The following PON2 variants were observed in gnomAD, a reference collection of about 807,000 sequenced individuals.
The protein encoded by PON2 is paraoxonase 2.
In PON2, 27 loss-of-function variants were observed where a neutral mutation model predicts 36.6. That is an observed-to-expected ratio of 0.74 (90% CI 0.54 to 1.02). The LOEUF (loss-of-function observed/expected upper bound fraction) is 1.02. PON2 is among the 50% of genes least tolerant of loss of function. PON2 has a pLI of 0.00. For synonymous variants in PON2, 149 were observed against 156.3 expected (o/e 0.95, Z 0.35); for missense variants, 363 against 421.1 (o/e 0.86, Z 1.21).
intron 2 of PON2, among the ~76,000 whole-genome samples, chr7:95,417,716 C>CACACACACACACACACACAG (rs772303220): frequency 0.045 from 6,623 of 148,732 alleles, 283 homozygotes; most frequent in Non-Finnish European, 0.054. Flanking sequence ...CACACACACA[C>CACACACACACACACACACAG]ACACACACAC....
At chr7:95,434,669 A>C (rs571729922) in intron 1 of PON2, among the ~76,000 whole-genome samples, 94 of 152,274 alleles carry the variant, frequency 6.2e-4, no homozygotes, top group African/African-American at 2.1e-3. Context: ...ATTCACTCCA[A>C]ACTTTGCTAG....
intron 1 of PON2, among the ~76,000 whole-genome samples, chr7:95,430,532 T>G (rs948934524): frequency 6.6e-6 from 1 of 151,872 alleles, no homozygotes; most frequent in African/African-American, 2.4e-5. Context: ...ACTCCCGACC[T>G]CAGGTATCCA....
At chr7:95,429,978 G>A (rs1341205101) in intron 1 of PON2, among the ~76,000 whole-genome samples, 3 of 152,024 alleles carry the variant, frequency 2.0e-5, no homozygotes, top group Admixed American at 2.0e-4. Context: ...GAGGCGACAG[G>A]TTCAGCACTA....
intron 8 of PON2, 125 bp from the exon 9 acceptor site, chr7:95,405,613 A>G: frequency 1.1e-6 from 1 of 948,632 alleles, no homozygotes; most frequent in East Asian, 2.5e-5. Context: ...AATAGCAGTT[A>G]CCAATCTTTT....
At chr7:95,417,533 T>A (rs990710997) in intron 2 of PON2, among the ~76,000 whole-genome samples, 1 of 152,078 alleles carries the variant, frequency 6.6e-6, no homozygotes, top group African/African-American at 2.4e-5. Flanking sequence ...GTCCTTGATT[T>A]TCATCAGATT....
intron 1 of PON2, among the ~76,000 whole-genome samples, chr7:95,426,271 G>GA (rs1413120746): frequency 2.0e-5 from 3 of 151,228 alleles, no homozygotes; most frequent in East Asian, 3.9e-4. Flanking sequence ...AACAGAGAGA[G>GA]AAAAAAAAAG....
At chr7:95,408,540 TAA>T (rs1447145874) in intron 6 of PON2, among the ~76,000 whole-genome samples, 5 of 152,164 alleles carry the variant, frequency 3.3e-5, no homozygotes, top group African/African-American at 4.8e-5. Context: ...AATGGAAATA[TAA>T]GAGTGAAAAA....
At chr7:95,422,140 G>C (rs758858863) in intron 2 of PON2, among the ~76,000 whole-genome samples, 2 of 152,176 alleles carry the variant, frequency 1.3e-5, no homozygotes, top group Non-Finnish European at 2.9e-5. Context: ...ACATTAAAAG[G>C]GGAATGGTTA....
rs534480104 is a variant in PON2, at chr7:95,423,053, G to A, written c.145+1462C>T. On this transcript the variant is annotated intron_variant, in intron 2 of 8. Coordinates refer to ENST00000222572, the MANE Select transcript of PON2 (RefSeq NM_000305.3). ...GGAAAGCCAATATTGGCTGGGCTCA[G>A]TGCCTCATGCCTGCAATCCCAGCAC... Among the ~76,000 whole-genome samples the A allele has an allele frequency of 1.5e-4, 23 of 152,248 alleles. 1 individual carries two copies. The highest frequency in any genetic ancestry group is 1.4e-3 in the Admixed American group (21 of 15,298).
intron 1 of PON2, among the ~76,000 whole-genome samples, chr7:95,426,149 T>G (rs1214090977): frequency 6.6e-6 from 1 of 152,122 alleles, no homozygotes; most frequent in African/African-American, 2.4e-5. Flanking sequence ...GGTACTATAC[T>G]CACTACCTGG....
chr7:95,432,845 A>G (rs1789474259), intron 1 of PON2, among the ~76,000 whole-genome samples: 1 of 152,228 alleles, frequency 6.6e-6, no homozygotes, highest in Non-Finnish European at 1.5e-5. Flanking sequence ...CTGCTTTATC[A>G]GTAGATGAAA....
At chr7:95,434,725 G>T (rs1333015338) in intron 1 of PON2, among the ~76,000 whole-genome samples, 153 bp downstream of exon 1, 1 of 152,150 alleles carries the variant, frequency 6.6e-6, no homozygotes, top group Non-Finnish European at 1.5e-5. Context: ...GGTTCAACTA[G>T]CTGGGGGAGG....
intron 2 of PON2, among the ~76,000 whole-genome samples, chr7:95,417,073 G>A (rs1164781320): frequency 1.3e-5 from 2 of 151,810 alleles, no homozygotes; most frequent in African/African-American, 4.8e-5. Flanking sequence ...AAGAAAAGAA[G>A]AATAAAAATG....
At chr7:95,428,872 TG>T (rs1342807579) in intron 1 of PON2, among the ~76,000 whole-genome samples, 1 of 152,186 alleles carries the variant, frequency 6.6e-6, no homozygotes, top group East Asian at 1.9e-4. Flanking sequence ...ACTGTGCGCT[TG>T]GCATTATTTT....
chr7:95,410,110 G>A lies in PON2; in HGVS notation c.495-9C>T. The A allele has an allele frequency of 6.2e-7, 1 of 1,609,814 alleles. No homozygotes were observed. Among genetic ancestry groups the A allele is most frequent in the South Asian group, 1.1e-5 (1 of 90,956 alleles). ...CTGTGATGTCATTCACACTGAAAAAGAAAAATAGCATGTGAGAGGAAACAA... is the reference window on the plus strand; with the variant it reads ...CTGTGATGTCATTCACACTGAAAAAAAAAAATAGCATGTGAGAGGAAACAA... On this transcript the variant is annotated splice_polypyrimidine_tract_variant and intron_variant, in intron 5 of 8. Transcript: ENST00000222572.
At chr7:95,413,004 C>G (rs1788971935) in intron 3 of PON2, 1 of 162,872 alleles carries the variant, frequency 6.1e-6, no homozygotes, top group Admixed American at 6.0e-5. Context: ...TTAGGTCAGG[C>G]CTGGTGGCTC....
intron 3 of PON2, 139 bp from the exon 4 acceptor site, chr7:95,412,616 AAAGAT>A (rs1387092961): frequency 3.7e-6 from 3 of 813,894 alleles, no homozygotes; most frequent in Non-Finnish European, 4.0e-6. Flanking sequence ...AAAACAGAGA[AAAGAT>A]AACAGAAAAA....
At chr7:95,417,469 A>G (rs77762163) in intron 2 of PON2, among the ~76,000 whole-genome samples, 1 of 152,138 alleles carries the variant, frequency 6.6e-6, no homozygotes, top group Non-Finnish European at 1.5e-5. Context: ...CGGAAATTCT[A>G]TGCAATGCAA....
intron 2 of PON2, among the ~76,000 whole-genome samples, chr7:95,423,899 G>A (rs17876094): frequency 6.6e-6 from 1 of 151,902 alleles, no homozygotes; most frequent in Admixed American, 6.6e-5. Flanking sequence ...CCGAGCAAAA[G>A]GGGGAAAAGC....
Sources: allele counts gnomAD v4.1 joint callset (sites outside exome capture counted in the v4.1 genomes callset), GRCh38; gene constraint gnomAD v4.1.1; transcripts MANE v1.5; gene names NCBI Gene and HGNC (gene_info 2026-07-23, HGNC 2026-07-21).